Variants in LMBRD1 observed in about 807,000 individuals in gnomAD.
LMBRD1 encodes the protein lysosomal cobalamin transport escort protein LMBD1.
In LMBRD1, 64 loss-of-function variants were observed where a neutral mutation model predicts 74.8. The observed-to-expected ratio is 0.86, with a 90% CI of 0.70 to 1.05. The LOEUF is 1.05. Ranked by LOEUF, LMBRD1 falls within the 50% of genes least tolerant of loss-of-function variation. The pLI is 0.00. For synonymous variants in LMBRD1, 204 were observed against 216.3 expected (o/e 0.94, Z 0.50); for missense variants, 652 against 645.9 (o/e 1.01, Z -0.10).
At chr6:69,747,625 G>C (rs1291487577) in intron 5 of LMBRD1, among the ~76,000 whole-genome samples, 7 of 152,160 alleles carry the variant, frequency 4.6e-5, no homozygotes, top group Non-Finnish European at 1.0e-4. Flanking sequence ...CATCTGGTAT[G>C]TATCTCCTAT....
intron 9 of LMBRD1, 79 bp from the exon 10 acceptor site, chr6:69,702,032 A>G: frequency 1.2e-6 from 1 of 827,170 alleles, no homozygotes; most frequent in Non-Finnish European, 2.1e-6. Context: ...ATTCAATATG[A>G]GTTGCTAGAA....
intron 14 of LMBRD1, among the ~76,000 whole-genome samples, chr6:69,684,571 T>A (rs1342567222): frequency 1.3e-5 from 2 of 152,064 alleles, no homozygotes; most frequent in South Asian, 2.1e-4. Flanking sequence ...CAGAATACTT[T>A]TCAGATATAT....
At chr6:69,780,471 G>T (rs765203339) in intron 3 of LMBRD1, 23 bp downstream of exon 3, 7 of 1,574,850 alleles carry the variant, frequency 4.4e-6, no homozygotes, top group Middle Eastern at 3.3e-4. Flanking sequence ...TCCAAATAGG[G>T]AAAGAAACTG....
At chr6:69,698,630 T>G (rs1194810295) in intron 13 of LMBRD1, among the ~76,000 whole-genome samples, 4 of 151,960 alleles carry the variant, frequency 2.6e-5, no homozygotes, top group African/African-American at 9.7e-5. Context: ...TATAGTTATC[T>G]ACATATAAAA....
chr6:69,677,293 G>T (rs1765567923), intron 14 of LMBRD1, among the ~76,000 whole-genome samples: 3 of 152,094 alleles, frequency 2.0e-5, no homozygotes, highest in African/African-American at 4.8e-5. Context: ...CAAGGTATAG[G>T]GCAGAACTCC....
rs34327883 is a variant in LMBRD1, at chr6:69,713,759, G to T, written c.801C>A (p.Arg267=). 1.2e-6 allele frequency: 2 copies of T among 1,613,532 alleles called. No individual in the cohort carries two copies. The highest frequency in any genetic ancestry group is 1.3e-5 in the African/African-American group (1 of 74,968). Residue 267 remains arginine, a synonymous_variant, in exon 9 of 16, where the codon CGC becomes CGA. Transcript: ENST00000649934. ...ACCTTTCTTCAAATTGTTTTAAGGC[G>T]CGTTTATCCCTTGCTGGCAAAGGTC... The part of the protein sequence containing the change: ...DGRPLPARDK[R]ALKQFEERLR...
chr6:69,706,105 AATAG>A (rs1766250311), intron 9 of LMBRD1: 3 of 636,824 alleles, frequency 4.7e-6, no homozygotes, highest in Non-Finnish European at 8.8e-6. Context: ...TTCACAACCA[AATAG>A]ATAGTTCCAG....
chr6:69,703,991 T>C (rs1766192580), intron 9 of LMBRD1, among the ~76,000 whole-genome samples: 1 of 152,072 alleles, frequency 6.6e-6, no homozygotes, highest in South Asian at 2.1e-4. Flanking sequence ...TTTCTCATGA[T>C]TATATTTAGA....
chr6:69,705,711 AC>A lies in LMBRD1; in HGVS notation c.916-3759del, dbSNP rs199908297. On this transcript the variant is annotated intron_variant, in intron 9 of 15. Coordinates refer to ENST00000649934, the MANE Select transcript of LMBRD1 (RefSeq NM_018368.4). ...AGCAAGTTTTACTTTTTTCTGTGGA[AC>A]CTTGCTACCACCTCCAGGGACAGAC... The A allele has an allele frequency of 3.7e-3, 4,114 of 1,100,930 alleles. 82 individuals carry two copies. In the African/African-American group the frequency reaches 0.053, roughly 14 times the overall value. The allele number at this position is 1,100,930 out of a possible 1,614,324, so 68.2% of individuals were successfully genotyped here.
chr6:69,712,186 G>A (rs1766397377), intron 9 of LMBRD1, among the ~76,000 whole-genome samples: 1 of 152,076 alleles, frequency 6.6e-6, no homozygotes, highest in South Asian at 2.1e-4. Context: ...AATGCTTCCA[G>A]ATATACAATG....
intron 3 of LMBRD1, among the ~76,000 whole-genome samples, chr6:69,766,316 T>C (rs1021181213): frequency 1.3e-5 from 2 of 151,938 alleles, no homozygotes; most frequent in Non-Finnish European, 1.5e-5. Flanking sequence ...TAGATGTCCT[T>C]TGTCAGCTTG....
intron 4 of LMBRD1, among the ~76,000 whole-genome samples, chr6:69,752,004 CTT>C (rs751384888): frequency 4.6e-5 from 7 of 152,044 alleles, no homozygotes; most frequent in Non-Finnish European, 7.4e-5. Flanking sequence ...ATTTCAAAGA[CTT>C]AGTGTGAAGA....
chr6:69,732,397 T>C (rs570533221), intron 7 of LMBRD1, among the ~76,000 whole-genome samples: 8 of 152,136 alleles, frequency 5.3e-5, no homozygotes, highest in Non-Finnish European at 1.0e-4. Context: ...CAACTGCAAA[T>C]CAAGGAAGAG....
chr6:69,768,219 T>G (rs1765508361), intron 3 of LMBRD1, among the ~76,000 whole-genome samples: 1 of 151,926 alleles, frequency 6.6e-6, no homozygotes, highest in Admixed American at 6.6e-5. Flanking sequence ...CATTTGCCAT[T>G]TTATACTTTA....
intron 7 of LMBRD1, among the ~76,000 whole-genome samples, chr6:69,726,583 G>T (rs1349871594): frequency 1.3e-5 from 2 of 152,146 alleles, no homozygotes; most frequent in Non-Finnish European, 2.9e-5. Flanking sequence ...CAACAGCATG[G>T]ATAGAACTGG....
intron 7 of LMBRD1, among the ~76,000 whole-genome samples, chr6:69,728,554 A>C (rs1191449203): frequency 2.6e-5 from 4 of 152,152 alleles, no homozygotes; most frequent in Non-Finnish European, 5.9e-5. Flanking sequence ...GGTTCCCTGA[A>C]TGCACTAACT....
intron 1 of LMBRD1, among the ~76,000 whole-genome samples, chr6:69,790,820 A>G (rs1766066606): frequency 6.6e-6 from 1 of 152,232 alleles, no homozygotes; most frequent in South Asian, 2.1e-4. Flanking sequence ...CCTAAAAGAG[A>G]TATGAGTAGA....
At chr6:69,793,252 T>G (rs757907706) in intron 1 of LMBRD1, among the ~76,000 whole-genome samples, 2 of 152,210 alleles carry the variant, frequency 1.3e-5, no homozygotes, top group Non-Finnish European at 2.9e-5. Flanking sequence ...CACTGAGATT[T>G]TTAAAACTCC....
At chr6:69,774,076 T>C (rs190114238) in intron 3 of LMBRD1, among the ~76,000 whole-genome samples, 1 of 152,306 alleles carries the variant, frequency 6.6e-6, no homozygotes, top group Admixed American at 6.5e-5. Flanking sequence ...CATCTTGAAT[T>C]GTAATAATCC....
Sources: gnomAD v4.1 joint callset for allele counts (sites outside exome capture counted in the v4.1 genomes callset) on GRCh38, gnomAD v4.1.1 for gene constraint, MANE v1.5 for transcripts, NCBI Gene and HGNC (gene_info 2026-07-23, HGNC 2026-07-21) for gene names.